Variants in ATG4B observed in about 807,000 individuals in gnomAD.
ATG4B encodes autophagy related 4B cysteine peptidase, also known as cysteine protease ATG4B.
In ATG4B, 29 loss-of-function variants were observed where a neutral mutation model predicts 56.6. The observed-to-expected ratio is 0.51, with a 90% confidence interval of 0.38 to 0.70. The LOEUF is 0.70. ATG4B is among the 30% of genes least tolerant of loss of function. The pLI, the probability that ATG4B is intolerant of heterozygous loss-of-function variation, is 0.00. For synonymous variants in ATG4B, 224 were observed against 206.1 expected (o/e 1.09, Z -0.74); for missense variants, 461 against 515.5 (o/e 0.89, Z 1.02).
chr2:241,663,976 A>G (rs1295557798), intron 7 of ATG4B, among the ~76,000 whole-genome samples: 6 of 151,860 alleles, frequency 4.0e-5, no homozygotes, highest in African/African-American at 1.5e-4. Flanking sequence ...CGCCTGGCTA[A>G]TTTTTTGTAT....
chr2:241,666,466 T>G, intron 7 of ATG4B, 179 bp from the exon 8 acceptor site: 2 of 645,490 alleles, frequency 3.1e-6, no homozygotes, highest in Non-Finnish European at 5.4e-6. Flanking sequence ...TTTCTCTGGG[T>G]GGCAAGATTA....
chr2:241,654,542 A>T lies in ATG4B; in HGVS notation c.284-4A>T. 6.3e-7 allele frequency: 1 copy of T among 1,581,654 alleles called. No homozygotes were observed. Among genetic ancestry groups the T allele is most frequent in the Non-Finnish European group, 8.6e-7 (1 of 1,163,962 alleles). On this transcript the variant is annotated splice_region_variant and splice_polypyrimidine_tract_variant and intron_variant, in intron 4 of 12. Coordinates refer to ENST00000404914, the MANE Select transcript of ATG4B (RefSeq NM_013325.5). ...GAGCTGACCTGTAATTTTTTTTCCA[A>T]TAGATTGGAGGTGGACACAAAGGAA...
chr2:241,663,500 A>T (rs994174286), intron 7 of ATG4B, among the ~76,000 whole-genome samples: 6 of 152,362 alleles, frequency 3.9e-5, no homozygotes, highest in African/African-American at 1.2e-4. Context: ...GTAACTATGT[A>T]TCTGAACCTG....
chr2:241,645,413 GT>G (rs2068033184), intron 1 of ATG4B, among the ~76,000 whole-genome samples: 1 of 152,226 alleles, frequency 6.6e-6, no homozygotes, highest in Non-Finnish European at 1.5e-5. Context: ...TTGGGTCTCT[GT>G]TGACCTTGTA....
rs1056830620 is a variant in ATG4B, at chr2:241,670,344, C to T, written c.958-382C>T. 5.9e-5 allele frequency among the ~76,000 whole-genome samples: 9 copies of T among 152,254 alleles called. 2 individuals are homozygous for T. The highest frequency in any genetic ancestry group is 1.3e-4 in the Admixed American group (2 of 15,302). On this transcript the variant is annotated intron_variant, in intron 10 of 12. Coordinates refer to ENST00000404914, the MANE Select transcript of ATG4B (RefSeq NM_013325.5). The stretch of plus-strand genomic sequence containing the variant: ...TTGCCGCCAAGCTTCCAGGGAGCTG[C>T]TGGGCGAAGGCTGAGACCCAGCGGC...
intron 1 of ATG4B, among the ~76,000 whole-genome samples, chr2:241,647,441 A>AC (rs2068095024): frequency 6.6e-6 from 1 of 151,176 alleles, no homozygotes; most frequent in African/African-American, 2.4e-5. Context: ...ACACAGTGAA[A>AC]CCCCGTCTCT....
intron 7 of ATG4B, among the ~76,000 whole-genome samples, chr2:241,665,013 G>T (rs866500184): frequency 1.3e-5 from 2 of 152,170 alleles, no homozygotes; most frequent in Admixed American, 6.5e-5. Flanking sequence ...CCAGCTACTC[G>T]GGAGGCTGAG....
intron 1 of ATG4B, 177 bp downstream of exon 1, chr2:241,637,901 G>A (rs542820735): frequency 6.6e-6 from 3 of 453,628 alleles, no homozygotes; most frequent in South Asian, 1.8e-4. Flanking sequence ...GTGGGCGGTG[G>A]GAGCGGGAGG....
intron 1 of ATG4B, among the ~76,000 whole-genome samples, chr2:241,649,275 A>G (rs1367183773): frequency 1.3e-5 from 2 of 152,228 alleles, no homozygotes; most frequent in East Asian, 3.8e-4. Flanking sequence ...CAGGCATAGT[A>G]TGATTTCACG....
At chr2:241,666,375 CT>C (rs2068770211) in intron 7 of ATG4B, among the ~76,000 whole-genome samples, 1 of 152,234 alleles carries the variant, frequency 6.6e-6, no homozygotes, top group African/African-American at 2.4e-5. Context: ...GTGCACGTGG[CT>C]TTTTCTTGCA....
chr2:241,657,756 T>C (rs1471258647), intron 6 of ATG4B, among the ~76,000 whole-genome samples: 1 of 152,236 alleles, frequency 6.6e-6, no homozygotes, highest in Non-Finnish European at 1.5e-5. Flanking sequence ...TTGATCTTCC[T>C]TCTCTCTTTG....
At chr2:241,642,147 G>T (rs1173030687) in intron 1 of ATG4B, among the ~76,000 whole-genome samples, 1 of 151,168 alleles carries the variant, frequency 6.6e-6, no homozygotes, top group African/African-American at 2.4e-5. Flanking sequence ...TGTAATGAAT[G>T]CAGAGGCTGC....
At chr2:241,671,837 G>A (rs1418713479) in intron 12 of ATG4B, 7 of 1,277,286 alleles carry the variant, frequency 5.5e-6, no homozygotes, top group African/African-American at 1.5e-5. Flanking sequence ...GTGAGTGGCC[G>A]TGAGCGCGTC....
At chr2:241,644,947 CAA>C (rs35177697) in intron 1 of ATG4B, among the ~76,000 whole-genome samples, 4 of 137,314 alleles carry the variant, frequency 2.9e-5, no homozygotes, top group Admixed American at 7.3e-5. Context: ...AACTCCATCT[CAA>C]AAAAAAAAAA....
chr2:241,671,494 T>C, intron 12 of ATG4B, 89 bp downstream of exon 12: 1 of 1,563,880 alleles, frequency 6.4e-7, no homozygotes, highest in Middle Eastern at 1.7e-4. Flanking sequence ...TTTTGACCAT[T>C]AAGGTGTGTG....
chr2:241,657,099 C>A (rs1031700019), intron 6 of ATG4B, among the ~76,000 whole-genome samples: 3 of 146,298 alleles, frequency 2.1e-5, no homozygotes, highest in African/African-American at 7.6e-5. Context: ...CCTCAGCCTC[C>A]CCAGTACCTG....
Position 241,654,580 on chromosome 2 carries a change from C to T in ATG4B, c.318C>T (p.Asp106=), listed in dbSNP as rs892880505. The change falls in exon 5 of 13, where the codon GAC becomes GAT. Residue 106 remains aspartate, a synonymous_variant. Coordinates refer to ENST00000404914, the MANE Select transcript of ATG4B (RefSeq NM_013325.5). ...WRWTQRKRQP[D]SYFSVLNAFI... ...GGACACAAAGGAAGAGGCAGCCAGA[C>T]AGCTACTTCAGCGTCCTCAACGCAT... 6.2e-7 allele frequency: 1 copy of T among 1,601,860 alleles called. No homozygotes were observed. The highest frequency in any genetic ancestry group is 1.3e-5 in the African/African-American group (1 of 74,800).
At chr2:241,653,916 A>G (rs1464523034) in intron 4 of ATG4B, among the ~76,000 whole-genome samples, 1 of 149,462 alleles carries the variant, frequency 6.7e-6, no homozygotes, top group Non-Finnish European at 1.5e-5. Context: ...GCTAGAACCC[A>G]GGAGATGGAG....
chr2:241,650,333 G>T (rs926951144), intron 1 of ATG4B, among the ~76,000 whole-genome samples: 2 of 152,150 alleles, frequency 1.3e-5, no homozygotes, highest in African/African-American at 2.4e-5. Flanking sequence ...GTGTCCAGGG[G>T]TTAACTTTCT....
Sources: gnomAD v4.1 joint callset for allele counts (sites outside exome capture counted in the v4.1 genomes callset) on GRCh38, gnomAD v4.1.1 for gene constraint, MANE v1.5 for transcripts, NCBI Gene and HGNC (gene_info 2026-07-23, HGNC 2026-07-21) for gene names.